Variants in TMED3 observed in about 807,000 individuals in gnomAD.
TMED3 encodes transmembrane emp24 domain-containing protein 3.
TMED3 carries 9 observed loss-of-function variants against 15.0 expected under a neutral mutation model. That is an observed-to-expected ratio of 0.60 (90% confidence interval 0.36 to 1.04). The LOEUF (loss-of-function observed/expected upper bound fraction) is 1.04, where lower values mean the gene tolerates loss of function less well. Ranked by LOEUF, TMED3 falls within the 50% of genes least tolerant of loss-of-function variation. The pLI is 0.01. For missense variants in TMED3, 267 were observed against 278.9 expected, an observed-to-expected ratio of 0.96 and a Z score of 0.30; for synonymous variants, 117 against 121.4, an observed-to-expected ratio of 0.96 and a Z score of 0.24.
intron 2 of TMED3, among the ~76,000 whole-genome samples, chr15:79,330,894 A>G (rs574462290): frequency 2.3e-4 from 35 of 152,340 alleles, no homozygotes; most frequent in African/African-American, 7.7e-4. Context: ...CTATAGCTAT[A>G]TTAGTACATT....
Position 79,314,003 on chromosome 15 carries a change from C to G in TMED3, c.415C>G (p.Gln139Glu). The part of the protein sequence containing the change: ...DMGNRVTALT[Q>E]MESACVTIHE... ...GGGGAACAGGGTCACAGCTCTCACCCAGGTGAGTGAACATTAGCAGTTCGG... is the reference window on the plus strand; with the variant it reads ...GGGGAACAGGGTCACAGCTCTCACCGAGGTGAGTGAACATTAGCAGTTCGG... Residue 139 changes from glutamine (Q) to glutamate (E), a missense_variant and splice_region_variant, in exon 2 of 3, where the codon CAG (glutamine) becomes GAG (glutamate). By Grantham distance (29) the Gln-to-Glu change is conservative (BLOSUM62 2). This residue lies in a region of TMED3 where 139 missense variants were observed against 125.0 expected (regional missense o/e 1.11). Transcript: ENST00000299705. The G allele has an allele frequency of 6.2e-7, 1 of 1,614,142 alleles. No individual in the cohort carries two copies. The highest frequency in any genetic ancestry group is 8.5e-7 in the Non-Finnish European group (1 of 1,180,014).
At chr15:79,380,251 T>G (rs1003473249) in intron 2 of TMED3, among the ~76,000 whole-genome samples, 2 of 151,814 alleles carry the variant, frequency 1.3e-5, no homozygotes, top group African/African-American at 4.8e-5. Flanking sequence ...CTCGGGAGGC[T>G]GAGGCAGGAG....
chr15:79,342,346 G>A (rs1218534382), intron 2 of TMED3, among the ~76,000 whole-genome samples: 1 of 152,074 alleles, frequency 6.6e-6, no homozygotes, highest in Non-Finnish European at 1.5e-5. Flanking sequence ...TTGAAGAAGG[G>A]TTGGCAAAGA....
downstream of TMED3, among the ~76,000 whole-genome samples, chr15:79,326,159 T>A (rs1228682515): frequency 6.6e-6 from 1 of 152,136 alleles, no homozygotes; most frequent in Non-Finnish European, 1.5e-5. Flanking sequence ...CAAAAGATAA[T>A]TCAAAGAACA....
At chr15:79,368,530 T>G (rs985123090) in intron 2 of TMED3, among the ~76,000 whole-genome samples, 1 of 152,112 alleles carries the variant, frequency 6.6e-6, no homozygotes, top group African/African-American at 2.4e-5. Flanking sequence ...TCAGTGTTTT[T>G]GGGGAAAGTT....
At chr15:79,400,463 A>G (rs1448926659) in intron 2 of TMED3, among the ~76,000 whole-genome samples, 1 of 152,226 alleles carries the variant, frequency 6.6e-6, no homozygotes, top group African/African-American at 2.4e-5. Flanking sequence ...TGCCTCGAAC[A>G]TTGACGGCTT....
intron 2 of TMED3, among the ~76,000 whole-genome samples, chr15:79,359,230 GTTTTTTT>G (rs5813967): frequency 8.2e-6 from 1 of 122,418 alleles, no homozygotes; most frequent in Non-Finnish European, 1.7e-5. Flanking sequence ...AGAAGGCTCA[GTTTTTTT>G]TTTTTTTTTT....
chr15:79,389,440 T>C (rs1192488169), intron 2 of TMED3, among the ~76,000 whole-genome samples: 3 of 152,220 alleles, frequency 2.0e-5, no homozygotes, highest in African/African-American at 7.2e-5. Context: ...TTCTGTTCCA[T>C]TGGCCTATGT....
chr15:79,392,772 A>G (rs1471226159), intron 2 of TMED3, among the ~76,000 whole-genome samples: 2 of 152,232 alleles, frequency 1.3e-5, no homozygotes, highest in East Asian at 1.9e-4. Flanking sequence ...GCCTTCAGGT[A>G]ACATTTTCTT....
intron 2 of TMED3, among the ~76,000 whole-genome samples, chr15:79,387,354 T>A (rs1035058009): frequency 6.6e-6 from 1 of 152,220 alleles, no homozygotes. Context: ...GAATCAAATA[T>A]CTACATATGT....
At chr15:79,406,607 A>G (rs567727791) in intron 2 of TMED3, among the ~76,000 whole-genome samples, 1 of 152,344 alleles carries the variant, frequency 6.6e-6, no homozygotes, top group East Asian at 1.9e-4. Flanking sequence ...CTCTCAAGGA[A>G]GCAATAGGTC....
chr15:79,334,223 T>C (rs1187229157), intron 2 of TMED3, among the ~76,000 whole-genome samples: 5 of 152,138 alleles, frequency 3.3e-5, no homozygotes, highest in Non-Finnish European at 7.4e-5. Context: ...GAAAGAGCCA[T>C]AGTCAAAAAT....
chr15:79,410,158 T>C (rs994738636), intron 2 of TMED3, among the ~76,000 whole-genome samples: 1 of 152,198 alleles, frequency 6.6e-6, no homozygotes, highest in Admixed American at 6.5e-5. Flanking sequence ...TATATTTCCT[T>C]CCAGAAACAT....
chr15:79,322,549 G>C lies in TMED3; in HGVS notation c.*335G>C. The C allele has an allele frequency of 8.9e-7, 1 of 1,124,070 alleles. No individual in the cohort carries two copies. Among genetic ancestry groups the C allele is most frequent in the Non-Finnish European group, 1.1e-6 (1 of 917,542 alleles). 69.6% of individuals were successfully genotyped at this position (1,124,070 alleles called of 1,614,324 possible). A position where few individuals can be genotyped will look rare whatever the true frequency, so the allele number is the denominator to read the frequency against. On this transcript the variant is annotated 3_prime_UTR_variant, in exon 3 of 3. Coordinates refer to ENST00000299705, the MANE Select transcript of TMED3 (RefSeq NM_007364.4). Reference sequence around the variant, plus strand: ...TCCAAGTGCCCAGGCCTCTTGGGCAGCTTAGGGCCCTGCCTCTGTTTCATG... The same window carrying C: ...TCCAAGTGCCCAGGCCTCTTGGGCACCTTAGGGCCCTGCCTCTGTTTCATG...
intron 2 of TMED3, among the ~76,000 whole-genome samples, chr15:79,344,815 A>C (rs2058863331): frequency 6.6e-6 from 1 of 152,176 alleles, no homozygotes; most frequent in Admixed American, 6.5e-5. Context: ...GGAGGCAAAG[A>C]CTTCACTGTA....
intron 2 of TMED3, among the ~76,000 whole-genome samples, chr15:79,319,609 TGGGCCCAG>T (rs1479996783): frequency 6.6e-6 from 1 of 152,098 alleles, no homozygotes; most frequent in East Asian, 1.9e-4. Context: ...AGAAGACAGC[TGGGCCCAG>T]GGGACCACTA....
At chr15:79,337,934 C>T (rs1193121445) in intron 2 of TMED3, among the ~76,000 whole-genome samples, 2 of 152,208 alleles carry the variant, frequency 1.3e-5, no homozygotes, top group African/African-American at 4.8e-5. Flanking sequence ...ACGTTGCATG[C>T]TTGTATATGG....
chr15:79,386,663 C>T (rs937869305), intron 2 of TMED3, among the ~76,000 whole-genome samples: 7 of 151,240 alleles, frequency 4.6e-5, no homozygotes, highest in Non-Finnish European at 8.8e-5. Context: ...CTCAGCCTCC[C>T]GAGTAGCTGG....
intron 2 of TMED3, among the ~76,000 whole-genome samples, chr15:79,343,205 C>T (rs1039116400): frequency 3.3e-5 from 5 of 152,140 alleles, no homozygotes; most frequent in African/African-American, 9.7e-5. Flanking sequence ...CATGATGGGA[C>T]GGTGCATACA....
Sources: gnomAD v4.1 joint callset for allele counts (sites outside exome capture counted in the v4.1 genomes callset) on GRCh38, gnomAD v4.1.1 for gene constraint, gnomAD v4.1.1 regional missense constraint, MANE v1.5 for transcripts, NCBI Gene and HGNC (gene_info 2026-07-23, HGNC 2026-07-21) for gene names.